JAK2: variants seen among roughly 807,000 people sequenced by gnomAD.
The protein encoded by JAK2 is Janus kinase 2.
Under a neutral mutation model 139.3 loss-of-function variants are expected in JAK2, and 86 were observed. The observed-to-expected ratio is 0.62, with a 90% CI of 0.52 to 0.74. JAK2 has a LOEUF of 0.74. Ranked by LOEUF, JAK2 falls within the 30% of genes least tolerant of loss-of-function variation. The pLI, the probability that JAK2 is intolerant of heterozygous loss-of-function variation, is 0.00. For missense variants in JAK2, 1,421 were observed against 1,360.3 expected, an observed-to-expected ratio of 1.04 and a Z score of -0.70; for synonymous variants, 490 against 437.7, an observed-to-expected ratio of 1.12 and a Z score of -1.49.
chr9:5,104,229 G>A (rs553294842), intron 22 of JAK2, among the ~76,000 whole-genome samples: 1 of 152,002 alleles, frequency 6.6e-6, no homozygotes, highest in Non-Finnish European at 1.5e-5. Context: ...TGGTAAAGGG[G>A]ATATCACCAC....
At chr9:5,020,936 CAG>C (rs1221715401) in intron 2 of JAK2, among the ~76,000 whole-genome samples, 3 of 152,060 alleles carry the variant, frequency 2.0e-5, no homozygotes, top group Non-Finnish European at 2.9e-5. Context: ...GCTTAGGACT[CAG>C]GGGTGTGTTG....
At chr9:4,999,900 G>C (rs921420968) in intron 2 of JAK2, among the ~76,000 whole-genome samples, 9 of 152,086 alleles carry the variant, frequency 5.9e-5, no homozygotes, top group African/African-American at 2.2e-4. Context: ...TTTTTCAAAG[G>C]ACAATTATTA....
intron 4 of JAK2, among the ~76,000 whole-genome samples, chr9:5,035,512 G>C (rs1231197247): frequency 6.6e-6 from 1 of 152,174 alleles, no homozygotes; most frequent in Non-Finnish European, 1.5e-5. Context: ...GAATCCAGCA[G>C]CACATCAAAA....
At chr9:5,095,713 G>A (rs1020647491) in intron 22 of JAK2, among the ~76,000 whole-genome samples, 2 of 152,058 alleles carry the variant, frequency 1.3e-5, no homozygotes, top group African/African-American at 2.4e-5. Flanking sequence ...ATCCATTAAC[G>A]TAAGCGGTTG....
rs143199935 is a variant in JAK2 at position 5,009,880 on chromosome 9, C to G, written c.-25-12083C>G. On this transcript the variant is annotated intron_variant, in intron 2 of 24. Transcript: ENST00000381652. ...CAAACTCATAAGCTTAAGCCGTCCT[C>G]CCATTTCAGCCTCCCAAGTAGCTAG... Among the ~76,000 whole-genome samples the G allele has an allele frequency of 5.4e-3, 824 of 152,102 alleles. 13 individuals are homozygous for G. Among genetic ancestry groups the G allele is most frequent in the African/African-American group, 0.019 (779 of 41,514 alleles).
At chr9:5,015,279 CTA>C (rs1821968802) in intron 2 of JAK2, among the ~76,000 whole-genome samples, 1 of 152,170 alleles carries the variant, frequency 6.6e-6, no homozygotes, top group South Asian at 2.1e-4. Context: ...AAGTTTGTAA[CTA>C]GACGTAGAAT....
At chr9:5,033,101 A>C (rs571285905) in intron 4 of JAK2, among the ~76,000 whole-genome samples, 44 of 152,364 alleles carry the variant, frequency 2.9e-4, no homozygotes, top group Non-Finnish European at 4.7e-4. Flanking sequence ...TGATGAATGC[A>C]CAAGCCTCAG....
chr9:5,117,361 G>C (rs1037467241), intron 22 of JAK2, among the ~76,000 whole-genome samples: 2 of 152,224 alleles, frequency 1.3e-5, no homozygotes, highest in African/African-American at 4.8e-5. Context: ...ATAACATGGT[G>C]AGATTCATAT....
chr9:5,050,874 G>C (rs1179068267), intron 6 of JAK2, 43 bp downstream of exon 6: 1 of 1,500,376 alleles, frequency 6.7e-7, no homozygotes, highest in East Asian at 2.3e-5. Context: ...TGTGAGTAGA[G>C]ATTTTATATA....
At chr9:5,072,236 T>A (rs1233319139) in intron 12 of JAK2, among the ~76,000 whole-genome samples, 1 of 152,134 alleles carries the variant, frequency 6.6e-6, no homozygotes, top group Non-Finnish European at 1.5e-5. Context: ...GTGACAATTA[T>A]AGCCCATTCA....
At chr9:5,124,849 A>G (rs1465477671) in intron 23 of JAK2, among the ~76,000 whole-genome samples, 1 of 151,610 alleles carries the variant, frequency 6.6e-6, no homozygotes, top group African/African-American at 2.4e-5. Flanking sequence ...AAGAATAGTA[A>G]GCCTAGGACT....
At chr9:5,051,336 C>G (rs1457361884) in intron 6 of JAK2, among the ~76,000 whole-genome samples, 2 of 152,102 alleles carry the variant, frequency 1.3e-5, no homozygotes, top group South Asian at 2.1e-4. Flanking sequence ...TGGAGGCATA[C>G]TTTTTGATAG....
At chr9:5,025,144 T>C (rs1439792056) in intron 3 of JAK2, among the ~76,000 whole-genome samples, 1 of 152,188 alleles carries the variant, frequency 6.6e-6, no homozygotes, top group Non-Finnish European at 1.5e-5. Flanking sequence ...ACTCATTTTT[T>C]TTTTCCTGTT....
At chr9:4,989,214 T>C (rs1181918206) in intron 2 of JAK2, among the ~76,000 whole-genome samples, 2 of 152,226 alleles carry the variant, frequency 1.3e-5, no homozygotes, top group African/African-American at 4.8e-5. Context: ...TCCTTAAGCT[T>C]GTAAGCTGAT....
chr9:5,071,332 A>C (rs769785245), intron 12 of JAK2, among the ~76,000 whole-genome samples: 15 of 152,214 alleles, frequency 9.9e-5, no homozygotes, highest in Non-Finnish European at 2.2e-4. Context: ...TCAGTAGACC[A>C]ACAAACATCA....
rs1286429911 is a variant in JAK2 at position 5,054,523 on chromosome 9, GT to G, written c.615-36del. 6.8e-7 allele frequency: 1 copy of G among 1,462,228 alleles called. No homozygotes were observed. 90.6% of individuals were successfully genotyped at this position (1,462,228 alleles called of 1,614,324 possible). A position where few individuals can be genotyped will look rare whatever the true frequency, so the allele number is the denominator to read the frequency against. ...TTTTTAGATTTATCTTCCAATTTTT[GT>G]TTTGTTTTGTTTTTCTGTATGTGCT... On this transcript the variant is annotated intron_variant, in intron 6 of 24. Transcript: ENST00000381652. This position sits in a 1 kb window ranked among gnomAD's most constrained non-coding sequence, Gnocchi z 4.9.
chr9:5,081,104 C>G (rs1819668910), intron 18 of JAK2, among the ~76,000 whole-genome samples: 1 of 151,866 alleles, frequency 6.6e-6, no homozygotes, highest in Non-Finnish European at 1.5e-5. Context: ...ACCGTGTTAG[C>G]CAGGATGGTC....
intron 22 of JAK2, among the ~76,000 whole-genome samples, chr9:5,091,771 G>A (rs962627846): frequency 2.6e-5 from 4 of 152,238 alleles, no homozygotes; most frequent in Admixed American, 2.6e-4. Flanking sequence ...TCGGGGGGCT[G>A]AATGGTGAAT....
Position 5,080,211 on chromosome 9 carries a change from G to C in JAK2, c.2132-18G>C, listed in dbSNP as rs1487128849. The C allele has an allele frequency of 6.3e-7, 1 of 1,591,194 alleles. No homozygotes were observed. Among genetic ancestry groups the C allele is most frequent in the African/African-American group, 1.3e-5 (1 of 74,190 alleles). ...CTTGTGAATTATTTAACCCTACTCT[G>C]TTCGTATCATTTAAAAGTTCTTCAG... On this transcript the variant is annotated intron_variant, in intron 16 of 24. Transcript: ENST00000381652.
Sources: allele counts gnomAD v4.1 joint callset (sites outside exome capture counted in the v4.1 genomes callset), GRCh38; gene constraint gnomAD v4.1.1; non-coding constraint Gnocchi (gnomAD v3.1); transcripts MANE v1.5; gene names NCBI Gene and HGNC (gene_info 2026-07-23, HGNC 2026-07-21).